DGLUCY: variants seen among roughly 807,000 people sequenced by gnomAD.
DGLUCY encodes D-glutamate cyclase, also known as D-glutamate cyclase, mitochondrial.
DGLUCY carries 58 observed loss-of-function variants against 58.5 expected under a neutral mutation model. The ratio of observed to expected loss-of-function variants is 0.99; its 90% CI spans 0.80 to 1.23. DGLUCY has a LOEUF of 1.23. DGLUCY is among the 50% of genes most tolerant of loss of function. The pLI is 0.00. For synonymous variants in DGLUCY, 325 were observed against 314.1 expected, an observed-to-expected ratio of 1.03 and a Z score of -0.37; for missense variants, 779 against 784.7, an observed-to-expected ratio of 0.99 and a Z score of 0.09.
intron 1 of DGLUCY, among the ~76,000 whole-genome samples, chr14:91,139,267 T>C (rs987267502): frequency 2.0e-5 from 3 of 152,184 alleles, no homozygotes; most frequent in African/African-American, 4.8e-5. Context: ...TCCTCCTCCT[T>C]GTTCTCTTCG....
intron 1 of DGLUCY, among the ~76,000 whole-genome samples, chr14:91,122,739 G>A (rs1357214349): frequency 6.6e-6 from 1 of 151,378 alleles, no homozygotes; most frequent in Non-Finnish European, 1.5e-5. Flanking sequence ...AGTAGGAGTA[G>A]CTGGGACTGT....
chr14:91,107,187 T>A (rs1419739796), upstream of DGLUCY, among the ~76,000 whole-genome samples: 1 of 152,156 alleles, frequency 6.6e-6, no homozygotes, highest in African/African-American at 2.4e-5. Flanking sequence ...CATGTAATGT[T>A]CTTATATGTT....
chr14:91,169,387 C>T (rs1043179415), intron 4 of DGLUCY, among the ~76,000 whole-genome samples: 1 of 151,874 alleles, frequency 6.6e-6, no homozygotes, highest in African/African-American at 2.4e-5. Context: ...GAGAGGCCAC[C>T]ATTTACTTTT....
intron 8 of DGLUCY, among the ~76,000 whole-genome samples, chr14:91,186,939 A>G (rs957418303): frequency 6.6e-6 from 1 of 152,178 alleles, no homozygotes; most frequent in African/African-American, 2.4e-5. Flanking sequence ...CTGGAATGCA[A>G]GTTTCCTGGT....
At chr14:91,214,079 C>G (rs1200245165) in intron 12 of DGLUCY, among the ~76,000 whole-genome samples, 1 of 151,680 alleles carries the variant, frequency 6.6e-6, no homozygotes, top group Non-Finnish European at 1.5e-5. Flanking sequence ...TCCTCCACCC[C>G]TCTTCTGGCA....
intron 1 of DGLUCY, among the ~76,000 whole-genome samples, chr14:91,085,613 A>G (rs2044204242): frequency 6.9e-6 from 1 of 144,526 alleles, no homozygotes; most frequent in Admixed American, 7.2e-5. Context: ...TCTATTCCCC[A>G]GGCTGGAGTG....
intron 1 of DGLUCY, chr14:91,126,526 C>T (rs895230726): frequency 4.4e-6 from 1 of 225,154 alleles, no homozygotes; most frequent in Non-Finnish European, 9.4e-6. Flanking sequence ...GAGCTTGTGA[C>T]CTCCCTACAA....
upstream of DGLUCY, among the ~76,000 whole-genome samples, chr14:91,111,989 G>A (rs1285166346): frequency 1.3e-5 from 2 of 152,106 alleles, no homozygotes; most frequent in Non-Finnish European, 2.9e-5. Flanking sequence ...TGTAATCCCA[G>A]CACTTGGGGA....
At chr14:91,201,564 T>G (rs2050563641) in intron 11 of DGLUCY, among the ~76,000 whole-genome samples, 1 of 152,128 alleles carries the variant, frequency 6.6e-6, no homozygotes, top group Non-Finnish European at 1.5e-5. Flanking sequence ...TCCAAAGTGC[T>G]GGGATTACAG....
At chr14:91,154,269 C>G (rs2047490523) in intron 1 of DGLUCY, among the ~76,000 whole-genome samples, 1 of 152,162 alleles carries the variant, frequency 6.6e-6, no homozygotes, top group South Asian at 2.1e-4. Context: ...GATTGATCAG[C>G]CTTTCACTGA....
Position 91,134,955 on chromosome 14 carries a change from C to G in DGLUCY, c.-82+20672C>G, listed in dbSNP as rs142815424. Among the ~76,000 whole-genome samples the G allele has an allele frequency of 3.2e-3, 493 of 152,026 alleles. 3 individuals carry two copies. The highest frequency in any genetic ancestry group is 0.011 in the African/African-American group (436 of 41,438). On this transcript the variant is annotated intron_variant, in intron 1 of 13. Coordinates refer to ENST00000256324, the MANE Select transcript of DGLUCY (RefSeq NM_001102368.3). The stretch of plus-strand genomic sequence containing the variant: ...TCTTTTTCTTTTTGTGACAGGATCT[C>G]ACTCTGTAGCCCAGGCTGGAGTGCA...
At chr14:91,210,889 T>G (rs760879745) in intron 12 of DGLUCY, among the ~76,000 whole-genome samples, 2 of 152,198 alleles carry the variant, frequency 1.3e-5, no homozygotes, top group Non-Finnish European at 1.5e-5. Context: ...AAAAGAAATA[T>G]AATGTAAACA....
At chr14:91,185,708 A>AC in intron 8 of DGLUCY, 1 of 151,234 alleles carries the variant, frequency 6.6e-6, no homozygotes, top group Admixed American at 6.6e-5. Context: ...CTCAGATTAA[A>AC]AAAAAAAAAA....
intron 7 of DGLUCY, among the ~76,000 whole-genome samples, chr14:91,178,083 C>T (rs1258073850): frequency 2.0e-5 from 3 of 152,240 alleles, no homozygotes; most frequent in Non-Finnish European, 4.4e-5. Context: ...TGTTCCAGTC[C>T]TTTAGTTCTG....
chr14:91,188,990 C>G lies in DGLUCY; in HGVS notation c.1015C>G (p.Leu339Val), dbSNP rs199690106. Residue 339 changes from leucine to valine, a missense_variant, in exon 9 of 14, where the codon CTC becomes GTC. Transcript: ENST00000256324. ...CTCGCTGTCCCATGCCCGCTCAGTG[C>G]TCATCACCACTGGGTTCCCCACACA... ...SLSLSHARSV[L>V]ITTGFPTHFN... is the part of the protein sequence containing the mutation. The G allele has an allele frequency of 9.4e-4, 1,512 of 1,614,190 alleles. 3 individuals carry two copies. Among genetic ancestry groups the G allele is most frequent in the Non-Finnish European group, 1.1e-3 (1,260 of 1,180,026 alleles).
At chr14:91,144,233 G>C (rs572194064) in intron 1 of DGLUCY, among the ~76,000 whole-genome samples, 1 of 152,184 alleles carries the variant, frequency 6.6e-6, no homozygotes, top group Non-Finnish European at 1.5e-5. Context: ...TCTACTGGCC[G>C]TTTGGTAACA....
chr14:91,165,929 A>G (rs530920456), intron 3 of DGLUCY, among the ~76,000 whole-genome samples: 1 of 152,354 alleles, frequency 6.6e-6, no homozygotes, highest in Non-Finnish European at 1.5e-5. Context: ...ATAACCCCAA[A>G]TTGGAAACTA....
chr14:91,109,263 G>T (rs1207767052), upstream of DGLUCY, among the ~76,000 whole-genome samples: 1 of 152,138 alleles, frequency 6.6e-6, no homozygotes, highest in African/African-American at 2.4e-5. Flanking sequence ...GAGACTCCCT[G>T]TTGGGTGGGC....
At chr14:91,161,764 A>G (rs1421877398) in intron 3 of DGLUCY, among the ~76,000 whole-genome samples, 11 of 151,516 alleles carry the variant, frequency 7.3e-5, no homozygotes, top group Admixed American at 7.2e-4. Context: ...AATACTGGGG[A>G]GCATAGTTTA....
Sources: allele counts gnomAD v4.1 joint callset (sites outside exome capture counted in the v4.1 genomes callset), GRCh38; gene constraint gnomAD v4.1.1; transcripts MANE v1.5; gene names NCBI Gene and HGNC (gene_info 2026-07-23, HGNC 2026-07-21).